Variants in ATP9A observed in about 807,000 individuals in gnomAD.
ATP9A encodes the protein ATPase phospholipid transporting 9A.
ATP9A carries 52 observed loss-of-function variants against 144.1 expected under a neutral mutation model. That is an observed-to-expected ratio of 0.36 (90% CI 0.29 to 0.45). The LOEUF (loss-of-function observed/expected upper bound fraction) is 0.45. Ranked by LOEUF, ATP9A falls within the 20% of genes least tolerant of loss-of-function variation. The probability of loss-of-function intolerance (pLI) is 1.00; values close to 1 mark genes in which losing one functional copy is unlikely to be tolerated. For missense variants in ATP9A, 947 were observed against 1,392.7 expected (o/e 0.68, Z 5.09); for synonymous variants, 582 against 557.4 (o/e 1.04, Z -0.62).
chr20:51,718,712 T>G (rs367944782), intron 3 of ATP9A, among the ~76,000 whole-genome samples: 1 of 145,214 alleles, frequency 6.9e-6, no homozygotes. Flanking sequence ...CTACTGGGGA[T>G]GTGGAGGCAG....
chr20:51,743,054 C>T (rs954112267), intron 1 of ATP9A, among the ~76,000 whole-genome samples: 11 of 152,192 alleles, frequency 7.2e-5, no homozygotes, highest in Admixed American at 2.0e-4. Flanking sequence ...TGGTGGCAAA[C>T]TTACTACAAG....
chr20:51,730,777 C>G (rs2077737478), intron 1 of ATP9A, among the ~76,000 whole-genome samples: 2 of 152,106 alleles, frequency 1.3e-5, no homozygotes, highest in Admixed American at 1.3e-4. Context: ...AGAAAAAATA[C>G]AGTAAAAATA....
intron 14 of ATP9A, among the ~76,000 whole-genome samples, chr20:51,654,796 G>T (rs60254388): frequency 0.45 from 68,208 of 151,674 alleles, 16,736 homozygotes; most frequent in East Asian, 0.79. Context: ...CCTACTTGGG[G>T]CTTCACAACA....
intron 11 of ATP9A, 123 bp from the exon 12 acceptor site, chr20:51,671,380 A>C: frequency 8.5e-7 from 1 of 1,170,750 alleles, no homozygotes; most frequent in East Asian, 2.5e-5. Flanking sequence ...GCAGAAGCAC[A>C]CTGCCAGAGC....
chr20:51,707,929 G>A lies in ATP9A; in HGVS notation c.436+5037C>T, dbSNP rs184857639. ...CCCCCAGTCTAGAGTACGGTGATGT[G>A]ATCATGGCTTACTGCAGTGTTCAAC... On this transcript the variant is annotated intron_variant, in intron 4 of 27. Transcript: ENST00000338821. Among the ~76,000 whole-genome samples, 625 of 152,016 alleles carry A rather than the reference G, an allele frequency of 4.1e-3. 6 individuals carry two copies. Among genetic ancestry groups the A allele is most frequent in the Non-Finnish European group, 6.3e-3 (430 of 67,968 alleles).
chr20:51,729,548 C>T (rs531241409), intron 2 of ATP9A, among the ~76,000 whole-genome samples: 4 of 152,138 alleles, frequency 2.6e-5, no homozygotes, highest in South Asian at 4.2e-4. Flanking sequence ...AGTTCAAGAC[C>T]GGCCTGGCCA....
intron 7 of ATP9A, among the ~76,000 whole-genome samples, chr20:51,692,487 G>A (rs2077552675): frequency 6.6e-6 from 1 of 152,162 alleles, no homozygotes. Flanking sequence ...CGTGAAGTGG[G>A]GCTGGAGGGG....
In ATP9A at chr20:51,749,093, G is replaced by C. The variant is rs371576875; in HGVS notation, c.69-19115C>G. 1.3e-4 allele frequency among the ~76,000 whole-genome samples: 20 copies of C among 152,260 alleles called. 3 individuals carry two copies. Among genetic ancestry groups the C allele is most frequent in the Admixed American group, 2.0e-4 (3 of 15,296 alleles). ...TAATGATCAAAGGCCAGGTGCAATG[G>C]TGTGTGCCTGTAGTCCCAGCTATTT... On this transcript the variant is annotated intron_variant, in intron 1 of 27. Transcript: ENST00000338821.
chr20:51,697,251 CTGTG>C (rs10665454), intron 5 of ATP9A, among the ~76,000 whole-genome samples, 169 bp downstream of exon 5: 1 of 151,192 alleles, frequency 6.6e-6, no homozygotes, highest in East Asian at 1.9e-4. Context: ...GTGTGTGTGT[CTGTG>C]TGTGTGTGTG....
chr20:51,761,616 C>G (rs942235181), intron 1 of ATP9A, among the ~76,000 whole-genome samples: 1 of 151,912 alleles, frequency 6.6e-6, no homozygotes. Flanking sequence ...AAAAATTAGC[C>G]GAGCGTGGTG....
intron 15 of ATP9A, among the ~76,000 whole-genome samples, chr20:51,638,838 G>T (rs1434186270): frequency 6.6e-6 from 1 of 152,066 alleles, no homozygotes; most frequent in African/African-American, 2.4e-5. Flanking sequence ...AGAGCCAGTA[G>T]AAAAACAACA....
At chr20:51,633,497 G>A (rs774158634) in intron 15 of ATP9A, among the ~76,000 whole-genome samples, 1 of 152,228 alleles carries the variant, frequency 6.6e-6, no homozygotes, top group Non-Finnish European at 1.5e-5. Context: ...TGTAATCCCA[G>A]TACTTAGGGA....
intron 13 of ATP9A, among the ~76,000 whole-genome samples, chr20:51,660,410 C>T (rs2077405929): frequency 6.6e-6 from 1 of 152,136 alleles, no homozygotes; most frequent in African/African-American, 2.4e-5. Context: ...CCAAGCAAGG[C>T]AAAAAGAGAA....
At chr20:51,711,917 G>T (rs527582605) in intron 4 of ATP9A, among the ~76,000 whole-genome samples, 1 of 146,606 alleles carries the variant, frequency 6.8e-6, no homozygotes, top group Non-Finnish European at 1.5e-5. Context: ...GTGCAATGGC[G>T]TGATCTTGGC....
At chr20:51,759,652 G>A (rs1042138625) in intron 1 of ATP9A, among the ~76,000 whole-genome samples, 19 of 151,914 alleles carry the variant, frequency 1.3e-4, no homozygotes, top group Middle Eastern at 3.2e-3. Flanking sequence ...CATCCTGGGC[G>A]ACAAGAGCAA....
At chr20:51,681,168 A>C (rs1366469148) in intron 9 of ATP9A, among the ~76,000 whole-genome samples, 1 of 152,202 alleles carries the variant, frequency 6.6e-6, no homozygotes, top group African/African-American at 2.4e-5. Flanking sequence ...CATCCCATTA[A>C]ATGTCCTCAT....
At chr20:51,678,764 G>T (rs1189913768) in intron 9 of ATP9A, among the ~76,000 whole-genome samples, 1 of 152,190 alleles carries the variant, frequency 6.6e-6, no homozygotes, top group Non-Finnish European at 1.5e-5. Flanking sequence ...GTAACAAGGG[G>T]GACCCCAAAG....
At chr20:51,656,657 T>A (rs868659384) in intron 14 of ATP9A, among the ~76,000 whole-genome samples, 1 of 152,190 alleles carries the variant, frequency 6.6e-6, no homozygotes, top group South Asian at 2.1e-4. Context: ...TTTTTTAAAG[T>A]ATGTGGTTTA....
chr20:51,768,284 G>C lies in ATP9A; in HGVS notation c.68+18C>G, dbSNP rs1189472198. 7 of 1,259,158 alleles carry C rather than the reference G, an allele frequency of 5.6e-6. No homozygotes were observed. The highest frequency in any genetic ancestry group is 5.0e-6 in the Non-Finnish European group (5 of 995,018). The allele number at this position is 1,259,158 out of a possible 1,614,324, so 78.0% of individuals were successfully genotyped here. On this transcript the variant is annotated intron_variant, in intron 1 of 27. Coordinates refer to ENST00000338821, the MANE Select transcript of ATP9A (RefSeq NM_006045.3). ...GGGAGGCGCGGACAAAGGAAAACAC[G>C]GGCCCAGGCCCACTCACCCGGCGCG...
Sources: allele counts gnomAD v4.1 joint callset (sites outside exome capture counted in the v4.1 genomes callset), GRCh38; gene constraint gnomAD v4.1.1; transcripts MANE v1.5; gene names NCBI Gene and HGNC (gene_info 2026-07-23, HGNC 2026-07-21).